The following RABGEF1 variants were observed in gnomAD, a reference collection of about 807,000 sequenced individuals.
RABGEF1 encodes the protein RAB guanine nucleotide exchange factor 1.
Under a neutral mutation model 57.3 loss-of-function variants are expected in RABGEF1, and 26 were observed. That is an observed-to-expected ratio of 0.45 (90% CI 0.33 to 0.63). The LOEUF is 0.63. Among genes scored for constraint, RABGEF1 ranks in the 20% least tolerant of loss-of-function variants. The pLI is 0.02. For missense variants in RABGEF1, 464 were observed against 607.6 expected (o/e 0.76, Z 2.48); for synonymous variants, 185 against 210.7 (o/e 0.88, Z 1.06).
chr7:66,656,815 C>T, the RABGEF1 span, among the ~76,000 whole-genome samples: 1 of 95,140 alleles, frequency 1.1e-5, no homozygotes, highest in Non-Finnish European at 1.9e-5. Context: ...AGTGAAACTG[C>T]ATCTCAAAAA....
chr7:66,807,787 G>C (rs559743134), intron 8 of RABGEF1: 3 of 152,196 alleles, frequency 2.0e-5, no homozygotes, highest in East Asian at 3.8e-4. Context: ...ATGGTGTTCC[G>C]TTCTACTCAG....
At chr7:66,658,487 G>A in the RABGEF1 span, among the ~76,000 whole-genome samples, 1 of 146,170 alleles carries the variant, frequency 6.8e-6, no homozygotes, top group South Asian at 2.1e-4. Flanking sequence ...AGCTGAGATC[G>A]CACCATTGTG....
intron 1 of RABGEF1, among the ~76,000 whole-genome samples, chr7:66,711,595 T>C (rs1055066908): frequency 2.0e-5 from 3 of 149,976 alleles, no homozygotes; most frequent in Non-Finnish European, 3.0e-5. Context: ...ATTCTTTTCT[T>C]TTTTTTTTTG....
intron 7 of RABGEF1, among the ~76,000 whole-genome samples, chr7:66,799,961 C>T (rs982626197): frequency 6.6e-6 from 1 of 152,028 alleles, no homozygotes; most frequent in Non-Finnish European, 1.5e-5. Context: ...CAGGTCCAGC[C>T]TCCTAATAAG....
intron 4 of RABGEF1, among the ~76,000 whole-genome samples, chr7:66,788,717 G>T (rs549857201): frequency 6.6e-6 from 1 of 152,086 alleles, no homozygotes; most frequent in Non-Finnish European, 1.5e-5. Flanking sequence ...AGTGGCTCAC[G>T]CTTGTAATCC....
chr7:66,658,800 A>T, the RABGEF1 span, among the ~76,000 whole-genome samples: 1 of 152,010 alleles, frequency 6.6e-6, no homozygotes, highest in Non-Finnish European at 1.5e-5. Context: ...CAGTGGCGCG[A>T]TCTTGGCTCA....
chr7:66,740,832 C>T (rs1449012858), intron 1 of RABGEF1, 40 bp downstream of exon 1: 2 of 152,152 alleles, frequency 1.3e-5, no homozygotes, highest in Non-Finnish European at 2.9e-5. Context: ...CTGCTCGGCT[C>T]TCAGCTACAG....
intron 1 of RABGEF1, chr7:66,770,604 C>T (rs1806853127): frequency 6.6e-6 from 1 of 152,320 alleles, no homozygotes; most frequent in African/African-American, 2.4e-5. Context: ...CTGTCTCAGC[C>T]TCCCGATTAG....
At chr7:66,700,537 T>A (rs984512302) in intron 1 of RABGEF1, among the ~76,000 whole-genome samples, 14 of 135,358 alleles carry the variant, frequency 1.0e-4, no homozygotes, top group Middle Eastern at 4.3e-3. Flanking sequence ...GGGGACTTAG[T>A]AAGAGGGTAC....
chr7:66,809,527 T>C lies in RABGEF1; in HGVS notation c.*243T>C. The C allele has an allele frequency of 2.7e-6, 1 of 376,280 alleles. No individual in the cohort carries two copies. Among genetic ancestry groups the C allele is most frequent in the Non-Finnish European group, 4.7e-6 (1 of 213,436 alleles). 23.3% of individuals were successfully genotyped at this position (376,280 alleles called of 1,614,324 possible). A position where few individuals can be genotyped will look rare whatever the true frequency, so the allele number is the denominator to read the frequency against. ...CTTGTGTGCAAATTTTGTCTCAATC[T>C]TTTTTCCCTCCATGATTTTCCTATG... On this transcript the variant is annotated 3_prime_UTR_variant, in exon 9 of 9. Coordinates refer to ENST00000284957, the MANE Select transcript of RABGEF1 (RefSeq NM_014504.3).
At chr7:66,802,765 C>T (rs963342659) in intron 7 of RABGEF1, among the ~76,000 whole-genome samples, 2 of 152,214 alleles carry the variant, frequency 1.3e-5, no homozygotes, top group Admixed American at 6.5e-5. Context: ...TTCTCCTTTT[C>T]CTTCCCTTCT....
intron 2 of RABGEF1, among the ~76,000 whole-genome samples, chr7:66,729,334 C>T (rs551655847): frequency 2.0e-5 from 3 of 152,210 alleles, no homozygotes; most frequent in Admixed American, 6.5e-5. Flanking sequence ...TCCATCCTCC[C>T]CTCTGTTCTC....
At chr7:66,786,230 C>T (rs1811157536) in intron 4 of RABGEF1, among the ~76,000 whole-genome samples, 1 of 152,206 alleles carries the variant, frequency 6.6e-6, no homozygotes, top group Admixed American at 6.5e-5. Flanking sequence ...CTTTTCCGAA[C>T]TGCATTAAAA....
At chr7:66,761,884 C>T (rs1371479464) in intron 1 of RABGEF1, among the ~76,000 whole-genome samples, 1 of 152,040 alleles carries the variant, frequency 6.6e-6, no homozygotes, top group Non-Finnish European at 1.5e-5. Context: ...AACCCCATCT[C>T]TACCTAAAAT....
intron 1 of RABGEF1, among the ~76,000 whole-genome samples, chr7:66,761,980 G>A (rs1804493822): frequency 6.6e-6 from 1 of 152,080 alleles, no homozygotes; most frequent in African/African-American, 2.4e-5. Flanking sequence ...GAACCCGGGA[G>A]GTAGCGAAGG....
intron 1 of RABGEF1, among the ~76,000 whole-genome samples, chr7:66,708,767 G>A (rs186658393): frequency 5.9e-4 from 90 of 152,108 alleles, no homozygotes; most frequent in East Asian, 1.4e-3. Flanking sequence ...AGGTATGATT[G>A]TACCACTGTA....
the RABGEF1 span, chr7:66,666,347 C>T: frequency 2.0e-5 from 3 of 152,272 alleles, no homozygotes; most frequent in African/African-American, 7.2e-5. Context: ...GCCTGGGGCT[C>T]CACCATCCCA....
At chr7:66,789,677 T>G (rs1812111201) in intron 4 of RABGEF1, among the ~76,000 whole-genome samples, 1 of 75,380 alleles carries the variant, frequency 1.3e-5, no homozygotes, top group African/African-American at 5.6e-5. Context: ...AGCGAGACTC[T>G]ATCTCAAAAA....
the RABGEF1 span, among the ~76,000 whole-genome samples, chr7:66,666,704 TTATC>T: frequency 6.6e-6 from 1 of 152,200 alleles, no homozygotes; most frequent in Admixed American, 6.5e-5. Flanking sequence ...CCCTTGCTCT[TTATC>T]TATGTCTCAG....
Sources: gnomAD v4.1 joint callset for allele counts (sites outside exome capture counted in the v4.1 genomes callset) on GRCh38, gnomAD v4.1.1 for gene constraint, MANE v1.5 for transcripts, NCBI Gene and HGNC (gene_info 2026-07-23, HGNC 2026-07-21) for gene names.